The following CACNA1S variants were observed in gnomAD, a reference collection of about 807,000 sequenced individuals.
The protein encoded by CACNA1S is calcium voltage-gated channel subunit alpha1 S, also known as voltage-dependent L-type calcium channel subunit alpha-1S.
A neutral mutation model predicts 207.4 loss-of-function variants in CACNA1S; 126 were observed. That is an observed-to-expected ratio of 0.61 (90% confidence interval 0.53 to 0.70). CACNA1S has a LOEUF of 0.70. Ranked by LOEUF, CACNA1S falls within the 30% of genes least tolerant of loss-of-function variation. The pLI is 0.00. For synonymous variants in CACNA1S, 960 were observed against 932.7 expected (o/e 1.03, Z -0.53); for missense variants, 2,349 against 2,422.8 (o/e 0.97, Z 0.64).
intron 10 of CACNA1S, among the ~76,000 whole-genome samples, chr1:201,081,743 A>C (rs1364326109): frequency 6.6e-6 from 1 of 152,216 alleles, no homozygotes; most frequent in Non-Finnish European, 1.5e-5. Flanking sequence ...CAGATTCCTC[A>C]TGAATGGCTT....
intron 29 of CACNA1S, 92 bp downstream of exon 29, chr1:201,054,413 C>T (rs955920844): frequency 1.5e-6 from 2 of 1,329,340 alleles, no homozygotes; most frequent in Non-Finnish European, 2.2e-6. Context: ...GCTGATCCAC[C>T]CCATGCAATC....
Position 201,066,906 on chromosome 1 carries a change from G to A in CACNA1S, c.2638C>T (p.Leu880Phe). Residue 880 changes from leucine to phenylalanine, a missense_variant, in exon 20 of 44, where the codon CTC becomes TTC. Leu to Phe is a conservative substitution (Grantham distance 22). Coordinates refer to ENST00000362061, the MANE Select transcript of CACNA1S (RefSeq NM_000069.3). This position sits in a 1 kb window ranked among gnomAD's most constrained non-coding sequence, Gnocchi z 4.3. ...MLDLLVVAVS[L>F]ISMGLESSAI... Reference sequence around the variant, plus strand: ...GCTCACTCAAGTCCCATGGAGATGAGGGACACGGCCACCACCAGCAGGTCC... The same window carrying A: ...GCTCACTCAAGTCCCATGGAGATGAAGGACACGGCCACCACCAGCAGGTCC... 6.2e-7 allele frequency: 1 copy of A among 1,613,972 alleles called. No individual in the cohort carries two copies. Among genetic ancestry groups the A allele is most frequent in the East Asian group, 2.2e-5 (1 of 44,876 alleles).
intron 15 of CACNA1S, among the ~76,000 whole-genome samples, 154 bp downstream of exon 15, chr1:201,073,395 C>G (rs1661488611): frequency 6.6e-6 from 1 of 152,136 alleles, no homozygotes; most frequent in Admixed American, 6.5e-5. Flanking sequence ...GATTCGCTGG[C>G]TCTCCCTCCA....
intron 2 of CACNA1S, among the ~76,000 whole-genome samples, chr1:201,106,426 G>A (rs73076888): frequency 0.037 from 5,552 of 151,848 alleles, 248 homozygotes; most frequent in African/African-American, 0.1. Flanking sequence ...CTTTGCCCAC[G>A]TGGCTTCCTC....
At chr1:201,063,171 A>T (rs958080242) in intron 22 of CACNA1S, among the ~76,000 whole-genome samples, 1 of 150,370 alleles carries the variant, frequency 6.7e-6, no homozygotes, top group Non-Finnish European at 1.5e-5. Flanking sequence ...TATTTATTAT[A>T]GAATTTTTTT....
intron 12 of CACNA1S, 24 bp from the exon 13 acceptor site, chr1:201,075,639 C>T: frequency 6.2e-7 from 1 of 1,613,220 alleles, no homozygotes; most frequent in Non-Finnish European, 8.5e-7. Flanking sequence ...GGATAGAGGG[C>T]TCGGGAACAC....
chr1:201,085,165 G>A, intron 8 of CACNA1S, 134 bp from the exon 9 acceptor site: 1 of 766,288 alleles, frequency 1.3e-6, no homozygotes, highest in Non-Finnish European at 2.3e-6. Context: ...GGCCTGGATT[G>A]CTTCGTGCTT....
intron 22 of CACNA1S, among the ~76,000 whole-genome samples, 158 bp from the exon 23 acceptor site, chr1:201,062,672 G>A (rs933367547): frequency 2.0e-5 from 3 of 152,224 alleles, no homozygotes; most frequent in Admixed American, 6.5e-5. Context: ...GCGTGAACTC[G>A]CCCTTGGGGC....
At chr1:201,102,566 C>T (rs1662717533) in intron 2 of CACNA1S, among the ~76,000 whole-genome samples, 1 of 152,202 alleles carries the variant, frequency 6.6e-6, no homozygotes, top group Non-Finnish European at 1.5e-5. Flanking sequence ...TACAGTCATA[C>T]CCATACCCAA....
intron 22 of CACNA1S, among the ~76,000 whole-genome samples, chr1:201,065,116 C>T (rs1341648145): frequency 6.6e-6 from 1 of 152,190 alleles, no homozygotes; most frequent in Non-Finnish European, 1.5e-5. Context: ...GATACAATGG[C>T]AACAGTGGTC....
At position 201,060,638 on chromosome 1, in the gene CACNA1S, T is replaced by G; in HGVS notation, c.3414+20A>C. On this transcript the variant is annotated intron_variant, in intron 26 of 43. Transcript: ENST00000362061. ...CAGGTCCCAGTCTGATCAGACATTT[T>G]TCTCCTGGGGAGCCCTTACCTGCAT... The G allele has an allele frequency of 6.2e-7, 1 of 1,614,076 alleles. No homozygotes were observed. Among genetic ancestry groups the G allele is most frequent in the Non-Finnish European group, 8.5e-7 (1 of 1,179,992 alleles).
At chr1:201,060,949 T>C in intron 25 of CACNA1S, 133 bp from the exon 26 acceptor site, 1 of 1,113,330 alleles carries the variant, frequency 9.0e-7, no homozygotes, top group Non-Finnish European at 1.4e-6. Context: ...TGTGAACTGT[T>C]TAGGGGAATA....
chr1:201,077,185 A>C, intron 11 of CACNA1S, 58 bp from the exon 12 acceptor site: 1 of 1,424,936 alleles, frequency 7.0e-7, no homozygotes, highest in South Asian at 1.2e-5. Flanking sequence ...GGGGCCCACG[A>C]GGTGTGGACA....
In CACNA1S at chr1:201,051,017, G is replaced by A. The variant is rs188360124; in HGVS notation, c.4080C>T (p.Tyr1360=). Residue 1360 remains tyrosine, a synonymous_variant, in exon 33 of 44, where the codon TAC becomes TAT. Transcript: ENST00000362061. ...YTCGTNFAYY[Y]FISFYMLCAF... The stretch of plus-strand genomic sequence containing the variant: ...CACAGAGCATGTAGAAGCTGATGAA[G>A]TAGTAGTATGCAAAGTTGGTGCCAC... 1.9e-6 allele frequency: 3 copies of A among 1,614,224 alleles called. No homozygotes were observed. Among genetic ancestry groups the A allele is most frequent in the African/African-American group, 2.7e-5 (2 of 75,060 alleles).
chr1:201,089,615 G>A (rs530731774), intron 5 of CACNA1S, 152 bp from the exon 6 acceptor site: 31 of 782,372 alleles, frequency 4.0e-5, no homozygotes, highest in East Asian at 3.7e-4. Context: ...TGGAGCAGAC[G>A]GTGACAGTGA....
rs1024859636 is a variant in CACNA1S, at chr1:201,051,276, CTTCATG to C, written c.3954-139_3954-134del. On this transcript the variant is annotated intron_variant, in intron 32 of 43. Coordinates refer to ENST00000362061, the MANE Select transcript of CACNA1S (RefSeq NM_000069.3). ...TTGTCCAATGGTAAGGAGGTCAGAT[CTTCATG>C]TTCACTGTGTAGCTCAGTGTGAGCT... 3 of 812,628 alleles carry C rather than the reference CTTCATG, an allele frequency of 3.7e-6. No homozygotes were observed. The African/African-American group carries it at 5.0e-5, about 14-fold the overall frequency. The allele number at this position is 812,628 out of a possible 1,614,324, so 50.3% of individuals were successfully genotyped here. A position where few individuals can be genotyped will look rare whatever the true frequency, so the allele number is the denominator to read the frequency against.
In CACNA1S at chr1:201,089,403, C is replaced by G. The variant is rs766838790; in HGVS notation, c.755G>C (p.Arg252Pro). ...CTCACTGCCATTGATGGTGCACCGGCGCCCTGAGCCCGTCCTGGCGCAGGG... is the reference window on the plus strand; with the variant it reads ...CTCACTGCCATTGATGGTGCACCGGGGCCCTGAGCCCGTCCTGGCGCAGGG... Reference protein sequence around the residue: ...PSPCARTGSGRRCTINGSECR... With the variant: ...PSPCARTGSGPRCTINGSECR... Residue 252 changes from arginine to proline, a missense_variant, in exon 6 of 44, where the codon CGC (arginine) becomes CCC (proline). Arg to Pro is a moderately radical substitution (Grantham distance 103). Coordinates refer to ENST00000362061, the MANE Select transcript of CACNA1S (RefSeq NM_000069.3). 1.9e-6 allele frequency: 3 copies of G among 1,614,050 alleles called. No homozygotes were observed. The highest frequency in any genetic ancestry group is 2.5e-6 in the Non-Finnish European group (3 of 1,180,046).
intron 2 of CACNA1S, 27 bp downstream of exon 2, chr1:201,110,137 G>A: frequency 6.3e-7 from 1 of 1,598,618 alleles, no homozygotes; most frequent in Admixed American, 1.7e-5. Context: ...AGGCTCGCAG[G>A]AAGGGAGATG....
In CACNA1S at chr1:201,040,344, C is replaced by A; in HGVS notation, c.5257G>T (p.Asp1753Tyr). ...CPRVESSMPE[D>Y]RKSSTPGSLH... ...GACCCTGGTGTGGAGCTCTTTCTGTCCTCAGGCATGGAGGACTCCACCCTG... is the reference window on the plus strand; with the variant it reads ...GACCCTGGTGTGGAGCTCTTTCTGTACTCAGGCATGGAGGACTCCACCCTG... The change falls in exon 43 of 44, where the codon GAC (aspartate) becomes TAC (tyrosine). Residue 1753 changes from aspartate to tyrosine, a missense_variant. Transcript: ENST00000362061. 1.2e-6 allele frequency: 2 copies of A among 1,613,756 alleles called. No individual in the cohort carries two copies. The highest frequency in any genetic ancestry group is 1.1e-5 in the South Asian group (1 of 91,046).
Sources: allele counts gnomAD v4.1 joint callset (sites outside exome capture counted in the v4.1 genomes callset), GRCh38; gene constraint gnomAD v4.1.1; non-coding constraint Gnocchi (gnomAD v3.1); transcripts MANE v1.5; gene names NCBI Gene and HGNC (gene_info 2026-07-23, HGNC 2026-07-21).